ANTXR2: variants seen among roughly 807,000 people sequenced by gnomAD.
The protein encoded by ANTXR2 is ANTXR cell adhesion molecule 2.
Under a neutral mutation model 73.7 loss-of-function variants are expected in ANTXR2, and 44 were observed. The observed-to-expected ratio is 0.60, with a 90% CI of 0.47 to 0.77. ANTXR2 has a LOEUF of 0.77. Ranked by LOEUF, ANTXR2 falls within the 30% of genes least tolerant of loss-of-function variation. The pLI, the probability that ANTXR2 is intolerant of heterozygous loss-of-function variation, is 0.00. For missense variants in ANTXR2, 604 were observed against 592.5 expected (o/e 1.02, Z -0.20); for synonymous variants, 217 against 205.9 (o/e 1.05, Z -0.46).
In ANTXR2 at chr4:80,008,503, T is replaced by C; in HGVS notation, c.1041+18A>G. 1 of 1,578,928 alleles carries C rather than the reference T, an allele frequency of 6.3e-7. No individual in the cohort carries two copies. Among genetic ancestry groups the C allele is most frequent in the Non-Finnish European group, 8.7e-7 (1 of 1,154,280 alleles). On this transcript the variant is annotated intron_variant, in intron 12 of 16. Coordinates refer to ENST00000403729, the MANE Select transcript of ANTXR2 (RefSeq NM_058172.6). ...TTCTAATTTTTTTTAAGTAGAGTTG[T>C]AAATCCTTCTTACTCACCACTTTGC...
intron 12 of ANTXR2, among the ~76,000 whole-genome samples, chr4:80,001,670 T>A (rs1460831281): frequency 1.3e-5 from 2 of 150,750 alleles, no homozygotes; most frequent in South Asian, 2.1e-4. Context: ...CCCATTATTA[T>A]TGTGTGGGAG....
At position 80,032,061 on chromosome 4, in the gene ANTXR2, G is replaced by A. The variant is rs1007896274; in HGVS notation, c.797-369C>T. 4.0e-5 allele frequency among the ~76,000 whole-genome samples: 6 copies of A among 151,642 alleles called. 1 individual carries two copies. Among genetic ancestry groups the A allele is most frequent in the East Asian group, 1.9e-4 (1 of 5,178 alleles). Reference sequence around the variant, plus strand: ...AAAAGATGAAGGAAGGTGAAAGTTAGATGTCCAAAGGAAAATGAACTTATT... The same window carrying A: ...AAAAGATGAAGGAAGGTGAAAGTTAAATGTCCAAAGGAAAATGAACTTATT... On this transcript the variant is annotated intron_variant, in intron 9 of 16. Coordinates refer to ENST00000403729, the MANE Select transcript of ANTXR2 (RefSeq NM_058172.6).
At chr4:80,022,223 A>G (rs1436385926) in intron 10 of ANTXR2, among the ~76,000 whole-genome samples, 1 of 152,156 alleles carries the variant, frequency 6.6e-6, no homozygotes, top group Non-Finnish European at 1.5e-5. Flanking sequence ...CATATTTCTC[A>G]TGGTTAACTA....
intron 16 of ANTXR2, among the ~76,000 whole-genome samples, chr4:79,923,146 T>A (rs7685593): frequency 6.6e-6 from 1 of 151,746 alleles, no homozygotes; most frequent in African/African-American, 2.4e-5. Flanking sequence ...TAAATTTGAT[T>A]TAGGTAGTCA....
At chr4:79,977,483 A>G in intron 16 of ANTXR2, 138 bp downstream of exon 16, 1 of 1,443,948 alleles carries the variant, frequency 6.9e-7, no homozygotes, top group Non-Finnish European at 9.1e-7. Context: ...AATTCTATGT[A>G]ATAGAAATCT....
At chr4:79,990,090 T>C (rs961404494) in intron 12 of ANTXR2, among the ~76,000 whole-genome samples, 33 of 152,126 alleles carry the variant, frequency 2.2e-4, no homozygotes, top group African/African-American at 7.7e-4. Flanking sequence ...ATGCCCACTC[T>C]CACCACTTCT....
chr4:79,937,883 C>A (rs1728341273), intron 16 of ANTXR2, among the ~76,000 whole-genome samples: 2 of 140,620 alleles, frequency 1.4e-5, no homozygotes, highest in African/African-American at 5.3e-5. Context: ...CGTGCACGAG[C>A]CGAAGCAGGG....
chr4:80,002,208 A>G (rs369726509), intron 12 of ANTXR2, among the ~76,000 whole-genome samples: 5 of 152,204 alleles, frequency 3.3e-5, no homozygotes, highest in African/African-American at 1.2e-4. Flanking sequence ...GTACCAAAAC[A>G]GAGGTATAGA....
In ANTXR2 at chr4:80,020,266, G is replaced by A. The variant is rs564347170; in HGVS notation, c.867-1290C>T. Among the ~76,000 whole-genome samples the A allele has an allele frequency of 3.3e-5, 5 of 152,038 alleles. No homozygotes were observed. In the East Asian group the frequency reaches 9.7e-4, roughly 29 times the overall value. On this transcript the variant is annotated intron_variant, in intron 10 of 16. Transcript: ENST00000403729. ...CCGGGCATGGTGGCATGTGCCTATA[G>A]GTCCAACTATTCAGGAGGCTGTGGC...
rs770060279 is a variant in ANTXR2 at position 80,036,783 on chromosome 4, G to A, written c.637-751C>T. 1.9e-4 allele frequency among the ~76,000 whole-genome samples: 29 copies of A among 152,154 alleles called. 1 individual carries two copies. The highest frequency in any genetic ancestry group is 9.7e-4 in the East Asian group (5 of 5,176). The stretch of plus-strand genomic sequence containing the variant: ...AGCCTGGACGACAGAGCAAGCCTCC[G>A]TCTCAAACAAATAAATAAATTAAAA... On this transcript the variant is annotated intron_variant, in intron 7 of 16. Coordinates refer to ENST00000403729, the MANE Select transcript of ANTXR2 (RefSeq NM_058172.6).
In ANTXR2 at chr4:79,929,679, C is replaced by T. The variant is rs1727983334; in HGVS notation, c.1429-22212G>A. 2.6e-5 allele frequency among the ~76,000 whole-genome samples: 4 copies of T among 152,016 alleles called. No individual in the cohort carries two copies. In the South Asian group the frequency reaches 8.3e-4, roughly 31 times the overall value. On this transcript the variant is annotated intron_variant, in intron 16 of 16. Coordinates refer to ENST00000403729, the MANE Select transcript of ANTXR2 (RefSeq NM_058172.6). ...ATGGCATCTTTTCCCCTACAGCTAA[C>T]AGAACAATACTGTTGTGATTCTGAA...
At chr4:80,070,900 A>C (rs1028802391) in intron 2 of ANTXR2, among the ~76,000 whole-genome samples, 4 of 152,192 alleles carry the variant, frequency 2.6e-5, no homozygotes, top group Admixed American at 6.5e-5. Context: ...AAAAGCCTCA[A>C]AAGCCTAGTG....
intron 2 of ANTXR2, among the ~76,000 whole-genome samples, chr4:80,070,344 C>A (rs1300422287): frequency 6.6e-6 from 1 of 152,208 alleles, no homozygotes; most frequent in Non-Finnish European, 1.5e-5. Context: ...AGAATTCCAA[C>A]TTAAAAACCA....
At chr4:79,976,480 A>G (rs1437954005) in intron 16 of ANTXR2, among the ~76,000 whole-genome samples, 1 of 150,068 alleles carries the variant, frequency 6.7e-6, no homozygotes, top group African/African-American at 2.5e-5. Context: ...CCCAGAAGTT[A>G]CCACCACTTT....
intron 6 of ANTXR2, 146 bp from the exon 7 acceptor site, chr4:80,054,498 T>A (rs756623348): frequency 3.3e-6 from 2 of 602,018 alleles, no homozygotes; most frequent in African/African-American, 3.8e-5. Flanking sequence ...GGTCAGGAAT[T>A]AAAGGTGATG....
chr4:80,033,401 A>G, intron 9 of ANTXR2, 71 bp downstream of exon 9: 1 of 1,240,348 alleles, frequency 8.1e-7, no homozygotes, highest in Non-Finnish European at 1.1e-6. Context: ...TCGTTGGAGA[A>G]AAAAAGAAAA....
chr4:79,930,662 C>A (rs1728022011), intron 16 of ANTXR2, among the ~76,000 whole-genome samples: 1 of 152,188 alleles, frequency 6.6e-6, no homozygotes. Context: ...TTCTCTCCTT[C>A]TTTTCCTTGC....
At position 79,907,224 on chromosome 4, in the gene ANTXR2, C is replaced by A; in HGVS notation, c.*205G>T. On this transcript the variant is annotated 3_prime_UTR_variant, in exon 17 of 17. Transcript: ENST00000403729. ...ATCATGAGTTACCACTGAGTTTCAT[C>A]ACCTCCCATGTAGATGGCAGAACAA... 1.7e-6 allele frequency: 1 copy of A among 604,712 alleles called. No individual in the cohort carries two copies. Among genetic ancestry groups the A allele is most frequent in the South Asian group, 2.1e-5 (1 of 46,812 alleles). 37.5% of individuals were successfully genotyped at this position (604,712 alleles called of 1,614,324 possible).
chr4:79,991,224 G>C (rs1730451566), intron 12 of ANTXR2, among the ~76,000 whole-genome samples: 1 of 151,984 alleles, frequency 6.6e-6, no homozygotes, highest in Non-Finnish European at 1.5e-5. Flanking sequence ...CTAATATCCA[G>C]AATCTGTAAG....
Sources: allele counts gnomAD v4.1 joint callset (sites outside exome capture counted in the v4.1 genomes callset), GRCh38; gene constraint gnomAD v4.1.1; transcripts MANE v1.5; gene names NCBI Gene and HGNC (gene_info 2026-07-23, HGNC 2026-07-21).